RSPH14: variants seen among roughly 807,000 people sequenced by gnomAD.
RSPH14 encodes rhabdoid tumor deletion region gene 1.
Under a neutral mutation model 26.7 loss-of-function variants are expected in RSPH14, and 20 were observed. The observed-to-expected ratio is 0.75, with a 90% CI of 0.53 to 1.09. The LOEUF is 1.09. Among genes scored for constraint, RSPH14 ranks in the 50% least tolerant of loss-of-function variants. The probability of loss-of-function intolerance (pLI) is 0.00; values close to 1 mark genes in which losing one functional copy is unlikely to be tolerated. For missense variants in RSPH14, 449 were observed against 457.2 expected, an observed-to-expected ratio of 0.98 and a Z score of 0.16; for synonymous variants, 177 against 189.3, an observed-to-expected ratio of 0.93 and a Z score of 0.53.
At chr22:23,139,586 A>C (rs574340650) in intron 2 of RSPH14, among the ~76,000 whole-genome samples, 2 of 152,376 alleles carry the variant, frequency 1.3e-5, no homozygotes, top group South Asian at 4.1e-4. Flanking sequence ...GTGCCATTGC[A>C]CTTCAGCCTG....
At chr22:23,150,288 GTTTTCTTTTTT>G in the RSPH14 span, 28 of 660,386 alleles carry the variant, frequency 4.2e-5, no homozygotes, top group South Asian at 2.2e-4. Flanking sequence ...GATGACTGGG[GTTTTCTTTTTT>G]TTTTCTTTTT....
At chr22:23,170,892 G>C in the RSPH14 span, among the ~76,000 whole-genome samples, 1 of 151,980 alleles carries the variant, frequency 6.6e-6, no homozygotes, top group Non-Finnish European at 1.5e-5. Flanking sequence ...TGTTCCCCAG[G>C]CTGGCGTGCT....
chr22:23,138,874 C>T lies in RSPH14; in HGVS notation c.268G>A (p.Val90Met). The change falls in exon 3 of 7, where the codon GTG becomes ATG. Residue 90 changes from valine (V) to methionine (M), a missense_variant. Physicochemically the swap from Val to Met is conservative, Grantham distance 21 (BLOSUM62 1). Coordinates refer to ENST00000216036, the MANE Select transcript of RSPH14 (RefSeq NM_014433.3). ...CTATGGCTTGCCGTGATGTGGAGCA[C>T]CTCGGTGGTCTTTATGCGCACCATA... is the stretch of plus-strand genomic sequence containing the variant. ...NSMVRIKTTE[V>M]LHITASHSVG... 1 of 1,552,062 alleles carries T rather than the reference C, an allele frequency of 6.4e-7. No individual in the cohort carries two copies.
intron 4 of RSPH14, among the ~76,000 whole-genome samples, chr22:23,090,150 G>A (rs2068928053): frequency 6.6e-6 from 1 of 152,240 alleles, no homozygotes; most frequent in East Asian, 1.9e-4. Context: ...CTGGCCATAA[G>A]CACAGCAGGG....
intron 4 of RSPH14, among the ~76,000 whole-genome samples, chr22:23,117,268 G>A (rs148483938): frequency 1.5e-3 from 232 of 152,296 alleles, no homozygotes; most frequent in African/African-American, 5.2e-3. Flanking sequence ...CAGAGGTGCC[G>A]ACACGGTATG....
At chr22:23,162,723 C>G in the RSPH14 span, 1 of 456,248 alleles carries the variant, frequency 2.2e-6, no homozygotes, top group South Asian at 1.5e-5. Flanking sequence ...CGTGCTGTTG[C>G]TTCCCGTAGA....
chr22:23,107,086 T>C (rs189773777), intron 4 of RSPH14, among the ~76,000 whole-genome samples: 1 of 152,368 alleles, frequency 6.6e-6, no homozygotes, highest in African/African-American at 2.4e-5. Context: ...GAGCTAGGGC[T>C]TTAGCGGCAG....
the RSPH14 span, among the ~76,000 whole-genome samples, chr22:23,161,195 C>T: frequency 0.23 from 34,721 of 152,130 alleles, 4,471 homozygotes; most frequent in East Asian, 0.34. Flanking sequence ...CAGACACCCT[C>T]CCTAGCCCTC....
At chr22:23,120,520 C>T (rs902643424) in intron 4 of RSPH14, among the ~76,000 whole-genome samples, 1 of 152,118 alleles carries the variant, frequency 6.6e-6, no homozygotes, top group Admixed American at 6.5e-5. Context: ...CCCTCCTGCT[C>T]CTCCTCTTAC....
chr22:23,163,520 G>A, the RSPH14 span: 341 of 152,180 alleles, frequency 2.2e-3, 1 homozygote, highest in Non-Finnish European at 3.2e-3. Flanking sequence ...GAGCCACCGC[G>A]TCCGGCCTCC....
rs1211628206 is a variant in RSPH14 at position 23,071,712 on chromosome 22, G to A, written c.422-7579C>T. On this transcript the variant is annotated intron_variant, in intron 4 of 6. Transcript: ENST00000216036. The surrounding 1 kb of genome is among the most constrained non-coding windows in gnomAD (Gnocchi z 4.1). The stretch of plus-strand genomic sequence containing the variant: ...ACCCCGCTTGAGTGCAGGTGCAGGG[G>A]CCTCGGGAGGGACCTCAGAGTGGTG... 1.3e-5 allele frequency among the ~76,000 whole-genome samples: 2 copies of A among 152,210 alleles called. No homozygotes were observed. The highest frequency in any genetic ancestry group is 2.4e-5 in the African/African-American group (1 of 41,450).
chr22:23,073,507 C>A (rs2068427836), intron 4 of RSPH14, among the ~76,000 whole-genome samples: 1 of 152,208 alleles, frequency 6.6e-6, no homozygotes, highest in Non-Finnish European at 1.5e-5. Context: ...CTAGGTCCAG[C>A]CCCTTTTTCT....
intron 4 of RSPH14, among the ~76,000 whole-genome samples, chr22:23,091,756 C>G (rs1037129335): frequency 6.6e-6 from 1 of 152,264 alleles, no homozygotes; most frequent in Non-Finnish European, 1.5e-5. Flanking sequence ...CAGGTACACA[C>G]ATGGCTTAAA....
the RSPH14 span, among the ~76,000 whole-genome samples, chr22:23,155,684 C>T: frequency 6.6e-6 from 1 of 152,220 alleles, no homozygotes; most frequent in Admixed American, 6.5e-5. Context: ...ATGTCTCAGT[C>T]AGAAGGGAGT....
At chr22:23,110,281 G>C (rs1287019144) in intron 4 of RSPH14, among the ~76,000 whole-genome samples, 6 of 152,104 alleles carry the variant, frequency 3.9e-5, no homozygotes, top group Non-Finnish European at 7.4e-5. Flanking sequence ...GAGCCCAGGA[G>C]CCTCTCACAG....
chr22:23,145,631 G>A, upstream of RSPH14: 1 of 1,441,348 alleles, frequency 6.9e-7, no homozygotes, highest in Non-Finnish European at 9.3e-7. Context: ...AGGGCCGCGA[G>A]GGCACAGCGT....
chr22:23,062,241 G>A (rs1029884510), intron 5 of RSPH14, among the ~76,000 whole-genome samples: 1 of 152,216 alleles, frequency 6.6e-6, no homozygotes, highest in African/African-American at 2.4e-5. Flanking sequence ...ATGGGGAACA[G>A]CAGGACCCAG....
In RSPH14 at chr22:23,084,044, G is replaced by A. The variant is rs1249526447; in HGVS notation, c.422-19911C>T. Among the ~76,000 whole-genome samples the A allele has an allele frequency of 4.6e-5, 7 of 152,200 alleles. 1 individual carries two copies. The highest frequency in any genetic ancestry group is 4.6e-4 in the Admixed American group (7 of 15,284). On this transcript the variant is annotated intron_variant, in intron 4 of 6. Coordinates refer to ENST00000216036, the MANE Select transcript of RSPH14 (RefSeq NM_014433.3). ...TTCTTGTGGAGTTAACAAGGAGGGA[G>A]GGGTGAGCTATGCAGGCGATCTTTC...
chr22:23,083,004 C>A (rs1003610901), intron 4 of RSPH14, among the ~76,000 whole-genome samples: 3 of 151,828 alleles, frequency 2.0e-5, no homozygotes, highest in African/African-American at 7.3e-5. Context: ...GGAAAGGGCA[C>A]GTGGGAGACT....
Sources: gnomAD v4.1 joint callset for allele counts (sites outside exome capture counted in the v4.1 genomes callset) on GRCh38, gnomAD v4.1.1 for gene constraint, Gnocchi (gnomAD v3.1) non-coding constraint, MANE v1.5 for transcripts, NCBI Gene and HGNC (gene_info 2026-07-23, HGNC 2026-07-21) for gene names.